Variants in CYP2J2 observed in about 807,000 individuals in gnomAD.
CYP2J2 encodes the protein cytochrome P450 family 2 subfamily J member 2, also known as cytochrome P450 2J2.
CYP2J2 carries 41 observed loss-of-function variants against 48.8 expected under a neutral mutation model. That is an observed-to-expected ratio of 0.84 (90% CI 0.66 to 1.09). The LOEUF is 1.09. CYP2J2 is among the 50% of genes least tolerant of loss of function. CYP2J2 has a pLI of 0.00. For synonymous variants in CYP2J2, 221 were observed against 227.1 expected (o/e 0.97, Z 0.24); for missense variants, 644 against 617.3 (o/e 1.04, Z -0.46).
chr1:59,967,164 T>C, the CYP2J2 span, among the ~76,000 whole-genome samples: 2 of 152,228 alleles, frequency 1.3e-5, no homozygotes, highest in African/African-American at 4.8e-5. Context: ...AAGAATGAGC[T>C]GAGATAACCA....
Position 59,893,505 on chromosome 1 carries a change from G to T in CYP2J2, c.*146C>A. The T allele has an allele frequency of 1.8e-6, 1 of 561,342 alleles. No individual in the cohort carries two copies. The highest frequency in any genetic ancestry group is 3.0e-6 in the Non-Finnish European group (1 of 331,290). 34.8% of individuals were successfully genotyped at this position (561,342 alleles called of 1,614,324 possible). A position where few individuals can be genotyped will look rare whatever the true frequency, so the allele number is the denominator to read the frequency against. On this transcript the variant is annotated 3_prime_UTR_variant, in exon 9 of 9. Transcript: ENST00000371204. The stretch of plus-strand genomic sequence containing the variant: ...GGACGAGACAGTAGAGCTGGGATTT[G>T]GATCTAGTTTTCTCTGAGTCAAATT...
At chr1:59,896,715 T>C (rs1644273006) in intron 8 of CYP2J2, among the ~76,000 whole-genome samples, 1 of 152,132 alleles carries the variant, frequency 6.6e-6, no homozygotes, top group Admixed American at 6.5e-5. Context: ...ATTGTGTGTA[T>C]TTTTAGTAGC....
intron 2 of CYP2J2, among the ~76,000 whole-genome samples, chr1:59,915,477 T>C (rs1644456584): frequency 6.6e-6 from 1 of 152,116 alleles, no homozygotes. Context: ...AATCTGTTCA[T>C]GCCAATCTGT....
intron 8 of CYP2J2, among the ~76,000 whole-genome samples, chr1:59,896,040 T>C (rs1186894059): frequency 6.6e-6 from 1 of 152,206 alleles, no homozygotes; most frequent in Non-Finnish European, 1.5e-5. Flanking sequence ...ATCAAGCTGA[T>C]ATTTCCTGAC....
At chr1:59,958,394 A>G in the CYP2J2 span, among the ~76,000 whole-genome samples, 1 of 152,104 alleles carries the variant, frequency 6.6e-6, no homozygotes, top group Non-Finnish European at 1.5e-5. Flanking sequence ...TCTTGCTCTA[A>G]CTGAAACTAG....
chr1:59,898,076 C>G (rs1179808514), intron 8 of CYP2J2, among the ~76,000 whole-genome samples: 3 of 152,226 alleles, frequency 2.0e-5, no homozygotes, highest in African/African-American at 7.2e-5. Flanking sequence ...TCATTCTTCT[C>G]AGTCAGAAAG....
At chr1:59,905,582 G>A (rs1644358078) in intron 6 of CYP2J2, among the ~76,000 whole-genome samples, 2 of 152,230 alleles carry the variant, frequency 1.3e-5, no homozygotes, top group African/African-American at 4.8e-5. Flanking sequence ...AGGTAGATAT[G>A]TAAGAGTGGA....
At chr1:59,927,692 C>T (rs1359877054), upstream of CYP2J2, among the ~76,000 whole-genome samples, 1 of 152,208 alleles carries the variant, frequency 6.6e-6, no homozygotes, top group African/African-American at 2.4e-5. Context: ...TCTGCTTCAG[C>T]CTCCCATGTA....
Position 59,907,862 on chromosome 1 carries a change from G to A in CYP2J2, c.927C>T (p.Phe309=), listed in dbSNP as rs550110092. ...TGGAAGTTGTCTCGGTTCCGGCAAA[G>A]AAGAGGTCCAGGGTGCTGCAGATGA... ...ENLICSTLDL[F]FAGTETTSTT... Residue 309 remains phenylalanine, a synonymous_variant, in exon 6 of 9, where the codon TTC becomes TTT. Coordinates refer to ENST00000371204, the MANE Select transcript of CYP2J2 (RefSeq NM_000775.4). 1.5e-5 allele frequency: 24 copies of A among 1,614,084 alleles called. No individual in the cohort carries two copies. The Admixed American group carries it at 2.2e-4, about 15-fold the overall frequency.
the CYP2J2 span, among the ~76,000 whole-genome samples, chr1:59,949,626 C>T: frequency 1.3e-5 from 2 of 151,636 alleles, no homozygotes; most frequent in Non-Finnish European, 2.9e-5. Flanking sequence ...CATGAGTAAA[C>T]CCCGGTAACC....
At chr1:59,923,873 TG>T (rs1644538924) in intron 1 of CYP2J2, among the ~76,000 whole-genome samples, 1 of 152,146 alleles carries the variant, frequency 6.6e-6, no homozygotes, top group African/African-American at 2.4e-5. Flanking sequence ...GGAAAAAGAA[TG>T]TGTAGTTGAA....
intron 8 of CYP2J2, 149 bp downstream of exon 8, chr1:59,900,816 C>T: frequency 1.2e-6 from 1 of 857,034 alleles, no homozygotes; most frequent in Non-Finnish European, 1.8e-6. Flanking sequence ...TTGGAAATCC[C>T]AGGGCTGCCC....
the CYP2J2 span, among the ~76,000 whole-genome samples, chr1:59,935,883 T>C: frequency 0.011 from 1,697 of 152,278 alleles, 25 homozygotes; most frequent in African/African-American, 0.039. Context: ...AAGTGATTCT[T>C]CTGCCTCAGC....
chr1:59,943,276 GAA>G, the CYP2J2 span, among the ~76,000 whole-genome samples: 1 of 152,154 alleles, frequency 6.6e-6, no homozygotes, highest in Non-Finnish European at 1.5e-5. Flanking sequence ...CTTAGAAGTA[GAA>G]GAGAGGAGAA....
intron 7 of CYP2J2, among the ~76,000 whole-genome samples, chr1:59,903,984 A>G (rs1644343295): frequency 1.3e-5 from 2 of 152,162 alleles, no homozygotes; most frequent in Admixed American, 1.3e-4. Flanking sequence ...ATTGTCCACA[A>G]CCCATAATCA....
chr1:59,933,928 T>G, the CYP2J2 span, among the ~76,000 whole-genome samples: 1 of 152,070 alleles, frequency 6.6e-6, no homozygotes, highest in Non-Finnish European at 1.5e-5. Flanking sequence ...CCTGAAAAAG[T>G]GAAACAATTT....
chr1:59,935,051 T>TATATATATATATATATATAC, the CYP2J2 span, among the ~76,000 whole-genome samples: 1 of 107,750 alleles, frequency 9.3e-6, no homozygotes, highest in Non-Finnish European at 1.9e-5. Context: ...TATATATATA[T>TATATATATATATATATATAC]ACACAACAGA....
At chr1:59,923,332 T>G (rs1303439029) in intron 1 of CYP2J2, among the ~76,000 whole-genome samples, 1 of 152,206 alleles carries the variant, frequency 6.6e-6, no homozygotes, top group Non-Finnish European at 1.5e-5. Flanking sequence ...AGAATCTAAA[T>G]AGGCTATATG....
chr1:59,913,987 C>A (rs1246697672), intron 2 of CYP2J2, among the ~76,000 whole-genome samples: 1 of 152,180 alleles, frequency 6.6e-6, no homozygotes, highest in Non-Finnish European at 1.5e-5. Context: ...ATGTTGGCCA[C>A]CTTTCATTTC....
Sources: allele counts gnomAD v4.1 joint callset (sites outside exome capture counted in the v4.1 genomes callset), GRCh38; gene constraint gnomAD v4.1.1; transcripts MANE v1.5; gene names NCBI Gene and HGNC (gene_info 2026-07-23, HGNC 2026-07-21).